RANBP2: variants seen among roughly 807,000 people sequenced by gnomAD.
RANBP2 encodes the protein E3 SUMO-protein ligase RanBP2.
In RANBP2, 57 loss-of-function variants were observed where a neutral mutation model predicts 303.6. The ratio of observed to expected loss-of-function variants is 0.19; its 90% CI spans 0.15 to 0.23. RANBP2 has a LOEUF of 0.23. Among genes scored for constraint, RANBP2 ranks in the 10% least tolerant of loss-of-function variants. The pLI is 1.00. For missense variants in RANBP2, 3,138 were observed against 3,780.8 expected (o/e 0.83, Z 4.46); for synonymous variants, 1,167 against 1,301.5 (o/e 0.90, Z 2.23).
chr2:108,731,354 T>A lies in RANBP2; in HGVS notation c.285T>A (p.Asp95Glu). Residue 95 changes from aspartate to glutamate, a missense_variant, in exon 4 of 29, where the codon GAT (aspartate) becomes GAA (glutamate). Coordinates refer to ENST00000283195, the MANE Select transcript of RANBP2 (RefSeq NM_006267.5). ...TGGAATTAAACCCAACACAAAAAGA[T>A]CTTGTGTTGAAGATTGCAGAATTGC... is the stretch of plus-strand genomic sequence containing the variant. ...RSVELNPTQK[D>E]LVLKIAELLC... is the part of the protein sequence containing the mutation. The A allele has an allele frequency of 6.2e-7, 1 of 1,611,306 alleles. No individual in the cohort carries two copies. Among genetic ancestry groups the A allele is most frequent in the Admixed American group, 1.7e-5 (1 of 59,958 alleles).
the RANBP2 span, chr2:109,129,006 G>A: frequency 4.7e-6 from 2 of 425,676 alleles, no homozygotes; most frequent in Non-Finnish European, 9.4e-6. Context: ...CCGAGGAAGA[G>A]GAACGGTCCT....
At chr2:108,790,263 G>A (rs911982121), downstream of RANBP2, among the ~76,000 whole-genome samples, 4 of 152,092 alleles carry the variant, frequency 2.6e-5, no homozygotes, top group African/African-American at 9.7e-5. Flanking sequence ...TGCTTTTAAG[G>A]TAATAATTAT....
At chr2:109,415,120 G>A in the RANBP2 span, among the ~76,000 whole-genome samples, 1 of 143,634 alleles carries the variant, frequency 7.0e-6, no homozygotes. Context: ...AGGAACGTGG[G>A]CAGCCTCTAG....
At chr2:109,078,735 C>A in the RANBP2 span, among the ~76,000 whole-genome samples, 1 of 149,932 alleles carries the variant, frequency 6.7e-6, no homozygotes, top group Non-Finnish European at 1.5e-5. Context: ...GTAATCCCAG[C>A]ACTTTGGGAG....
the RANBP2 span, among the ~76,000 whole-genome samples, chr2:109,031,515 C>G: frequency 6.6e-6 from 1 of 152,264 alleles, no homozygotes; most frequent in East Asian, 1.9e-4. Flanking sequence ...TCAGACCCAG[C>G]AGTCGGCTCT....
the RANBP2 span, among the ~76,000 whole-genome samples, chr2:109,254,150 A>G: frequency 6.6e-6 from 1 of 152,176 alleles, no homozygotes; most frequent in South Asian, 2.1e-4. Context: ...AAGGACTCTT[A>G]GAGGAAAACA....
the RANBP2 span, among the ~76,000 whole-genome samples, chr2:109,637,448 T>A: frequency 6.6e-6 from 1 of 152,106 alleles, no homozygotes; most frequent in African/African-American, 2.4e-5. Context: ...GTCAGGTCTT[T>A]CTCATCCCAC....
the RANBP2 span, among the ~76,000 whole-genome samples, chr2:109,277,757 T>C: frequency 6.6e-6 from 1 of 152,140 alleles, no homozygotes; most frequent in Non-Finnish European, 1.5e-5. Flanking sequence ...GGTGGATGTG[T>C]AGGTTTTGGG....
At chr2:109,179,613 T>C in the RANBP2 span, among the ~76,000 whole-genome samples, 14 of 152,178 alleles carry the variant, frequency 9.2e-5, no homozygotes, top group African/African-American at 1.2e-4. Flanking sequence ...TGTTGTAATA[T>C]GGTGGAGGGT....
At chr2:109,240,878 A>ATC in the RANBP2 span, among the ~76,000 whole-genome samples, 12 of 113,662 alleles carry the variant, frequency 1.1e-4, no homozygotes, top group Admixed American at 7.6e-4. Context: ...ACTTGATTCC[A>ATC]TCTCTCTCTC....
the RANBP2 span, among the ~76,000 whole-genome samples, chr2:109,249,812 G>A: frequency 1.1e-4 from 17 of 151,230 alleles, no homozygotes; most frequent in African/African-American, 2.2e-4. Context: ...GCCCGCCACC[G>A]CGCCCGGCTA....
At chr2:108,787,623 C>T (rs1353655766), downstream of RANBP2, among the ~76,000 whole-genome samples, 1 of 152,100 alleles carries the variant, frequency 6.6e-6, no homozygotes, top group East Asian at 1.9e-4. Flanking sequence ...GCAGATCCGA[C>T]CCAAGAACGA....
the RANBP2 span, among the ~76,000 whole-genome samples, chr2:109,037,202 T>C: frequency 4.6e-5 from 7 of 151,856 alleles, no homozygotes; most frequent in East Asian, 7.7e-4. Context: ...GGTGTGCCTG[T>C]GGTCCCAGCT....
At chr2:109,568,027 T>G in the RANBP2 span, 1 of 1,365,158 alleles carries the variant, frequency 7.3e-7, no homozygotes, top group East Asian at 2.4e-5. Context: ...TTTTTTTTAA[T>G]CCTGCAGCTG....
At chr2:108,788,011 ATCTTT>A (rs773571822), downstream of RANBP2, 191 of 1,466,856 alleles carry the variant, frequency 1.3e-4, no homozygotes, top group East Asian at 6.6e-4. Context: ...TACAAATTAA[ATCTTT>A]TCTTTTTTTT....
At chr2:109,465,391 G>A in the RANBP2 span, among the ~76,000 whole-genome samples, 14 of 152,316 alleles carry the variant, frequency 9.2e-5, 1 homozygote, top group East Asian at 2.7e-3. Context: ...ATTTAGTTTT[G>A]TAAGAAACTG....
At chr2:108,955,003 G>A in the RANBP2 span, among the ~76,000 whole-genome samples, 1 of 152,020 alleles carries the variant, frequency 6.6e-6, no homozygotes, top group East Asian at 1.9e-4. Context: ...ATCTTACACA[G>A]GAACTCCCAC....
chr2:109,433,947 C>T, the RANBP2 span, among the ~76,000 whole-genome samples: 1 of 152,244 alleles, frequency 6.6e-6, no homozygotes, highest in East Asian at 1.9e-4. Flanking sequence ...TGCCCACAGC[C>T]TCCTGCGGCT....
the RANBP2 span, among the ~76,000 whole-genome samples, chr2:108,793,312 G>A: frequency 2.3e-4 from 35 of 151,986 alleles, no homozygotes; most frequent in African/African-American, 8.2e-4. Context: ...CAGCCTGGGC[G>A]ACAGAGTGAG....
Sources: gnomAD v4.1 joint callset for allele counts (sites outside exome capture counted in the v4.1 genomes callset) on GRCh38, gnomAD v4.1.1 for gene constraint, MANE v1.5 for transcripts, NCBI Gene and HGNC (gene_info 2026-07-23, HGNC 2026-07-21) for gene names.